EIF3H: variants seen among roughly 807,000 people sequenced by gnomAD.
EIF3H encodes eukaryotic translation initiation factor 3 subunit H.
EIF3H carries 26 observed loss-of-function variants against 44.2 expected under a neutral mutation model. That is an observed-to-expected ratio of 0.59 (90% CI 0.43 to 0.82). The LOEUF is 0.82. Ranked by LOEUF, EIF3H falls within the 40% of genes least tolerant of loss-of-function variation. The probability of loss-of-function intolerance (pLI) is 0.00; values close to 1 mark genes in which losing one functional copy is unlikely to be tolerated. For missense variants in EIF3H, 359 were observed against 432.8 expected, an observed-to-expected ratio of 0.83 and a Z score of 1.51; for synonymous variants, 166 against 151.9, an observed-to-expected ratio of 1.09 and a Z score of -0.68.
rs760899757 is a variant in EIF3H, at chr8:116,755,658, G to GCA, written c.132+6_132+7dup. 7.4e-6 allele frequency: 12 copies of GCA among 1,613,992 alleles called. No homozygotes were observed. The South Asian group carries it at 1.3e-4, about 18-fold the overall frequency. ...CACGTGGGCCAGAGGAAAAAGAACA[G>GCA]CACTCACAAGGCCATCTATCTGCAC... On this transcript the variant is annotated splice_region_variant and intron_variant, in intron 1 of 7. Coordinates refer to ENST00000521861, the MANE Select transcript of EIF3H (RefSeq NM_003756.3).
upstream of EIF3H, among the ~76,000 whole-genome samples, chr8:116,760,078 G>C (rs1170410811): frequency 6.6e-6 from 1 of 152,150 alleles, no homozygotes; most frequent in African/African-American, 2.4e-5. Context: ...TGCTATCATG[G>C]ATCTGGATGT....
chr8:116,739,546 A>T (rs1815097409), intron 1 of EIF3H, among the ~76,000 whole-genome samples: 1 of 152,230 alleles, frequency 6.6e-6, no homozygotes, highest in Non-Finnish European at 1.5e-5. Context: ...GCTACTCGGG[A>T]GGCTGAGGCA....
Position 116,671,216 on chromosome 8 carries a change from T to G in EIF3H, c.290-12236A>C, listed in dbSNP as rs77608012. On this transcript the variant is annotated intron_variant, in intron 2 of 7. Coordinates refer to ENST00000521861, the MANE Select transcript of EIF3H (RefSeq NM_003756.3). The stretch of plus-strand genomic sequence containing the variant: ...TACTTTCCCTAAACTTGCTTCAGCT[T>G]GTTTGTCATCCCCTAACGCAGCACA... Among the ~76,000 whole-genome samples the G allele has an allele frequency of 7.2e-5, 11 of 152,340 alleles. No individual in the cohort carries two copies. The East Asian group carries it at 2.1e-3, about 29-fold the overall frequency.
intron 1 of EIF3H, among the ~76,000 whole-genome samples, chr8:116,743,243 G>A (rs141125395): frequency 1.3e-5 from 2 of 151,984 alleles, no homozygotes; most frequent in Non-Finnish European, 2.9e-5. Context: ...TTAAGGCCAG[G>A]AGTTCAAAAC....
intron 2 of EIF3H, among the ~76,000 whole-genome samples, chr8:116,701,756 T>C (rs899466617): frequency 2.1e-4 from 32 of 152,190 alleles, no homozygotes; most frequent in African/African-American, 7.0e-4. Flanking sequence ...AAAAGTGTCA[T>C]GGCCAGGAAA....
upstream of EIF3H, among the ~76,000 whole-genome samples, chr8:116,757,679 C>T (rs1188879557): frequency 6.6e-6 from 1 of 151,006 alleles, no homozygotes; most frequent in Non-Finnish European, 1.5e-5. Context: ...TAAAAAATAA[C>T]TTAAATGGCA....
At position 116,762,878 on chromosome 8, in the gene EIF3H, A is replaced by T. The variant is rs575022565; in HGVS notation, c.-27+2637T>A. Reference sequence around the variant, plus strand: ...AGAATCGCTTGAACCCAGGAGGTGGAGGCTGCAGTGAGCCAAGATTGTGCC... The same window carrying T: ...AGAATCGCTTGAACCCAGGAGGTGGTGGCTGCAGTGAGCCAAGATTGTGCC... On this transcript the variant is annotated intron_variant, in intron 1 of 9. Transcript: ENST00000276682. 5.3e-5 allele frequency among the ~76,000 whole-genome samples: 8 copies of T among 152,344 alleles called. No homozygotes were observed. In the South Asian group the frequency reaches 1.7e-3, roughly 32 times the overall value.
intron 6 of EIF3H, 46 bp from the exon 7 acceptor site, chr8:116,646,649 G>C (rs749163138): frequency 6.2e-7 from 1 of 1,600,708 alleles, no homozygotes; most frequent in Admixed American, 1.7e-5. Flanking sequence ...CTCCATCTGA[G>C]GAGGAAAAAA....
intron 1 of EIF3H, among the ~76,000 whole-genome samples, chr8:116,746,961 T>C (rs1312857202): frequency 6.6e-6 from 1 of 152,182 alleles, no homozygotes; most frequent in Non-Finnish European, 1.5e-5. Flanking sequence ...TCAAGGCACC[T>C]AAAGTTCAAC....
intron 2 of EIF3H, among the ~76,000 whole-genome samples, chr8:116,681,724 A>G (rs1813992785): frequency 6.6e-6 from 1 of 152,136 alleles, no homozygotes; most frequent in Non-Finnish European, 1.5e-5. Context: ...TTTAGAAAGA[A>G]TTATACCAAC....
At chr8:116,736,530 C>A (rs1473121035) in intron 1 of EIF3H, among the ~76,000 whole-genome samples, 1 of 152,134 alleles carries the variant, frequency 6.6e-6, no homozygotes, top group Non-Finnish European at 1.5e-5. Flanking sequence ...GGCGTGGTGG[C>A]ACGCGCCTAT....
At chr8:116,704,154 T>C (rs571145557) in intron 2 of EIF3H, among the ~76,000 whole-genome samples, 1 of 152,336 alleles carries the variant, frequency 6.6e-6, no homozygotes, top group South Asian at 2.1e-4. Context: ...GGGTGTCCTA[T>C]AAAGTGGTTA....
At chr8:116,678,154 T>C (rs1364278060) in intron 2 of EIF3H, among the ~76,000 whole-genome samples, 2 of 150,070 alleles carry the variant, frequency 1.3e-5, no homozygotes, top group East Asian at 2.0e-4. Context: ...CACGCCTGAC[T>C]GGTTTTCGTT....
chr8:116,671,158 A>G (rs1813746834), intron 2 of EIF3H, among the ~76,000 whole-genome samples: 1 of 152,234 alleles, frequency 6.6e-6, no homozygotes, highest in Non-Finnish European at 1.5e-5. Context: ...AGGAAAGCAT[A>G]AATAACTGTC....
At chr8:116,736,224 C>T (rs988293812) in intron 1 of EIF3H, among the ~76,000 whole-genome samples, 5 of 152,078 alleles carry the variant, frequency 3.3e-5, no homozygotes, top group Non-Finnish European at 5.9e-5. Flanking sequence ...TTGCCTAGGG[C>T]CAAGGTGAGA....
At chr8:116,677,454 C>T (rs1475744065) in intron 2 of EIF3H, among the ~76,000 whole-genome samples, 1 of 152,140 alleles carries the variant, frequency 6.6e-6, no homozygotes, top group African/African-American at 2.4e-5. Context: ...TTTTACATGT[C>T]CTAATGTCCC....
intron 1 of EIF3H, among the ~76,000 whole-genome samples, chr8:116,754,381 G>A (rs1434326171): frequency 2.0e-5 from 3 of 152,162 alleles, no homozygotes; most frequent in Non-Finnish European, 4.4e-5. Context: ...AAAGTGCTGG[G>A]ATTACAGCCG....
At chr8:116,735,618 T>C (rs1815021480) in intron 1 of EIF3H, among the ~76,000 whole-genome samples, 1 of 152,120 alleles carries the variant, frequency 6.6e-6, no homozygotes, top group South Asian at 2.1e-4. Context: ...TTTTCAACCC[T>C]ATCTTTACGC....
At chr8:116,702,966 G>A (rs1349423753) in intron 2 of EIF3H, among the ~76,000 whole-genome samples, 1 of 152,138 alleles carries the variant, frequency 6.6e-6, no homozygotes, top group Non-Finnish European at 1.5e-5. Context: ...GGAATGTGCA[G>A]CCTAGATCCC....
Sources: allele counts gnomAD v4.1 joint callset (sites outside exome capture counted in the v4.1 genomes callset), GRCh38; gene constraint gnomAD v4.1.1; transcripts MANE v1.5; gene names NCBI Gene and HGNC (gene_info 2026-07-23, HGNC 2026-07-21).